THSD7B: variants seen among roughly 807,000 people sequenced by gnomAD.
The protein encoded by THSD7B is thrombospondin type-1 domain-containing protein 7B.
In THSD7B, 138 loss-of-function variants were observed where a neutral mutation model predicts 213.6. The ratio of observed to expected loss-of-function variants is 0.65; its 90% CI spans 0.56 to 0.74. The LOEUF is 0.74. THSD7B is among the 30% of genes least tolerant of loss of function. The probability of loss-of-function intolerance (pLI) is 0.00; values close to 1 mark genes in which losing one functional copy is unlikely to be tolerated. For missense variants in THSD7B, 1,931 were observed against 1,991.5 expected (o/e 0.97, Z 0.58); for synonymous variants, 742 against 687.0 (o/e 1.08, Z -1.25).
intron 15 of THSD7B, among the ~76,000 whole-genome samples, chr2:137,538,331 T>G (rs190070652): frequency 5.9e-5 from 9 of 151,620 alleles, no homozygotes; most frequent in Admixed American, 2.0e-4. Context: ...AGGGTAACAT[T>G]CAAATTGTAG....
intron 21 of THSD7B, among the ~76,000 whole-genome samples, chr2:137,653,918 G>T (rs1683185399): frequency 6.6e-6 from 1 of 151,358 alleles, no homozygotes; most frequent in South Asian, 2.1e-4. Context: ...ATCACACACT[G>T]GTTCCTTTCT....
rs1683713959 is a variant in THSD7B, at chr2:137,676,853, C to CCCTT, written c.*250_*253dup. The CCCTT allele has an allele frequency of 3.1e-6, 1 of 326,676 alleles. No individual in the cohort carries two copies. Among genetic ancestry groups the CCCTT allele is most frequent in the Admixed American group, 5.0e-5 (1 of 19,986 alleles). 20.2% of individuals were successfully genotyped at this position (326,676 alleles called of 1,614,324 possible). A position where few individuals can be genotyped will look rare whatever the true frequency, so the allele number is the denominator to read the frequency against. On this transcript the variant is annotated 3_prime_UTR_variant, in exon 28 of 28. Coordinates refer to ENST00000409968, the MANE Select transcript of THSD7B (RefSeq NM_001316349.2). ...TTGGTTTTCCCAAGGGACCTGAAAA[C>CCCTT]CCTTCTCTTCCTGTTTGGAACTGGG...
intron 14 of THSD7B, among the ~76,000 whole-genome samples, chr2:137,446,874 A>G (rs1217898430): frequency 3.3e-5 from 5 of 152,068 alleles, no homozygotes; most frequent in Admixed American, 6.5e-5. Flanking sequence ...CATTAGTGGG[A>G]CTTCTGCAGT....
intron 22 of THSD7B, among the ~76,000 whole-genome samples, 184 bp downstream of exon 22, chr2:137,655,844 G>GA (rs1294746504): frequency 8.0e-5 from 12 of 150,608 alleles, no homozygotes; most frequent in East Asian, 1.9e-4. Context: ...GTAGGCAAAA[G>GA]AAAAAAAAAG....
intron 12 of THSD7B, among the ~76,000 whole-genome samples, chr2:137,323,227 AACAG>A (rs1163100858): frequency 6.6e-6 from 1 of 152,216 alleles, no homozygotes; most frequent in East Asian, 1.9e-4. Context: ...CAGTACAGTT[AACAG>A]ACAGAGTAGA....
intron 3 of THSD7B, among the ~76,000 whole-genome samples, chr2:137,090,967 T>C (rs1687938471): frequency 6.6e-6 from 1 of 152,192 alleles, no homozygotes; most frequent in Non-Finnish European, 1.5e-5. Context: ...CCTTTTACTG[T>C]TCCAGAAAAG....
At chr2:137,603,444 G>A (rs905015811) in intron 17 of THSD7B, among the ~76,000 whole-genome samples, 7 of 152,104 alleles carry the variant, frequency 4.6e-5, no homozygotes, top group African/African-American at 1.7e-4. Context: ...GGATGGTTTT[G>A]ACATTGGAAC....
intron 7 of THSD7B, among the ~76,000 whole-genome samples, chr2:137,186,430 A>T (rs1160244180): frequency 6.6e-6 from 1 of 152,104 alleles, no homozygotes; most frequent in African/African-American, 2.4e-5. Flanking sequence ...GTTCAGTTTT[A>T]TTCTTCCGCA....
intron 12 of THSD7B, among the ~76,000 whole-genome samples, chr2:137,303,158 G>A (rs11891741): frequency 0.035 from 5,363 of 152,234 alleles, 105 homozygotes; most frequent in East Asian, 0.072. Flanking sequence ...ACGTGCCACA[G>A]CACAAGTGCC....
At position 137,207,398 on chromosome 2, in the gene THSD7B, C is replaced by T. The variant is rs368336659; in HGVS notation, c.1724-23646C>T. ...TCAAGCACTGCTGCCATGTAAAGGACGCATATTATAAAGAATTAGCAGTTA... is the reference window on the plus strand; with the variant it reads ...TCAAGCACTGCTGCCATGTAAAGGATGCATATTATAAAGAATTAGCAGTTA... On this transcript the variant is annotated intron_variant, in intron 7 of 27. Coordinates refer to ENST00000409968, the MANE Select transcript of THSD7B (RefSeq NM_001316349.2). Among the ~76,000 whole-genome samples the T allele has an allele frequency of 2.0e-4, 30 of 152,094 alleles. 2 individuals carry two copies. In the South Asian group the frequency reaches 4.8e-3, roughly 24 times the overall value.
intron 2 of THSD7B, among the ~76,000 whole-genome samples, chr2:136,906,936 GTTTTTTTTTTTTT>G (rs57887270): frequency 1.5e-4 from 8 of 55,096 alleles, no homozygotes; most frequent in African/African-American, 7.1e-4. Context: ...ACATTTCAAG[GTTTTTTTTTTTTT>G]TTTTTTTTTT....
rs1687169017 is a variant in THSD7B, at chr2:137,056,672, G to A, written c.392G>A (p.Cys131Tyr). 9.3e-6 allele frequency: 15 copies of A among 1,613,896 alleles called. No individual in the cohort carries two copies. Among genetic ancestry groups the A allele is most frequent in the Non-Finnish European group, 1.0e-5 (12 of 1,179,898 alleles). The change falls in exon 3 of 28, where the codon TGT becomes TAT. Residue 131 changes from cysteine (C) to tyrosine (Y), a missense_variant. Transcript: ENST00000409968. Reference protein sequence around the residue: ...RGEVKPRTAECVTAQHGLQHR... With the variant: ...RGEVKPRTAEYVTAQHGLQHR... ...GAAGTCAAGCCTCGGACTGCAGAGT[G>A]TGTGACGGCTCAGCATGGACTGCAG...
Position 137,545,855 on chromosome 2 carries a change from C to A in THSD7B, c.3139-17366C>A, listed in dbSNP as rs1206458825. ...GATCAAGCTGTCTCTGTGAGCCTTG[C>A]TCCCTTATGCCATCAGGGTCTGCCT... is the stretch of plus-strand genomic sequence containing the variant. On this transcript the variant is annotated intron_variant, in intron 15 of 27. Transcript: ENST00000409968. Among the ~76,000 whole-genome samples the A allele has an allele frequency of 2.0e-5, 3 of 151,946 alleles. No homozygotes were observed. In the South Asian group the frequency reaches 6.2e-4, roughly 31 times the overall value.
chr2:137,295,249 A>G (rs1048785692), intron 12 of THSD7B, among the ~76,000 whole-genome samples: 1 of 152,156 alleles, frequency 6.6e-6, no homozygotes, highest in Non-Finnish European at 1.5e-5. Flanking sequence ...AAACTTGTCA[A>G]TTGAATGAGT....
At chr2:137,164,895 G>T (rs1680094701) in intron 6 of THSD7B, among the ~76,000 whole-genome samples, 1 of 152,128 alleles carries the variant, frequency 6.6e-6, no homozygotes, top group African/African-American at 2.4e-5. Context: ...TGGGGGAGAG[G>T]GGAGGAATGG....
intron 2 of THSD7B, among the ~76,000 whole-genome samples, chr2:137,043,501 C>T (rs1686918325): frequency 6.6e-6 from 1 of 152,164 alleles, no homozygotes; most frequent in Admixed American, 6.5e-5. Context: ...AAGGGTCTCT[C>T]ACTGACATTG....
intron 15 of THSD7B, among the ~76,000 whole-genome samples, chr2:137,487,374 CAA>C (rs35759254): frequency 3.0e-5 from 1 of 33,166 alleles, no homozygotes; most frequent in South Asian, 3.0e-3. Context: ...GACTCCGTCT[CAA>C]AAAAAAAAAA....
At chr2:137,104,648 G>C (rs1020002186) in intron 4 of THSD7B, among the ~76,000 whole-genome samples, 1 of 152,030 alleles carries the variant, frequency 6.6e-6, no homozygotes, top group East Asian at 1.9e-4. Context: ...TTAACAAAAT[G>C]ATAGACGGCT....
intron 2 of THSD7B, among the ~76,000 whole-genome samples, chr2:136,932,315 T>A (rs2105048765): frequency 6.6e-6 from 1 of 152,298 alleles, no homozygotes; most frequent in African/African-American, 2.4e-5. Context: ...GATGTGCAAA[T>A]TAATCTGCAA....
Sources: allele counts gnomAD v4.1 joint callset (sites outside exome capture counted in the v4.1 genomes callset), GRCh38; gene constraint gnomAD v4.1.1; transcripts MANE v1.5; gene names NCBI Gene and HGNC (gene_info 2026-07-23, HGNC 2026-07-21).